HS3ST4: variants seen among roughly 807,000 people sequenced by gnomAD.
HS3ST4 encodes the protein heparan sulfate-glucosamine 3-sulfotransferase 4.
Under a neutral mutation model 29.2 loss-of-function variants are expected in HS3ST4, and 17 were observed. The observed-to-expected ratio is 0.58, with a 90% CI of 0.40 to 0.87. The LOEUF (loss-of-function observed/expected upper bound fraction) is 0.87, where lower values mean the gene tolerates loss of function less well. Ranked by LOEUF, HS3ST4 falls within the 40% of genes least tolerant of loss-of-function variation. The pLI is 0.00. For synonymous variants in HS3ST4, 314 were observed against 285.7 expected (o/e 1.10, Z -1.00); for missense variants, 627 against 634.5 (o/e 0.99, Z 0.13).
chr16:26,011,380 T>A (rs1363557490), intron 1 of HS3ST4, among the ~76,000 whole-genome samples: 1 of 151,686 alleles, frequency 6.6e-6, no homozygotes, highest in Non-Finnish European at 1.5e-5. Context: ...ACCAACATGG[T>A]GAAACCCCGT....
At chr16:26,068,621 C>T (rs951854660) in intron 1 of HS3ST4, among the ~76,000 whole-genome samples, 1 of 152,090 alleles carries the variant, frequency 6.6e-6, no homozygotes, top group African/African-American at 2.4e-5. Context: ...ATTTCATCTC[C>T]GACCTCAATT....
At chr16:25,720,862 G>A (rs1380724440) in intron 1 of HS3ST4, among the ~76,000 whole-genome samples, 1 of 152,178 alleles carries the variant, frequency 6.6e-6, no homozygotes, top group Non-Finnish European at 1.5e-5. Flanking sequence ...ATGCCCATTA[G>A]ACTTCCAAGT....
chr16:25,813,979 CATT>C (rs1285888493), intron 1 of HS3ST4, among the ~76,000 whole-genome samples: 1 of 152,204 alleles, frequency 6.6e-6, no homozygotes, highest in Non-Finnish European at 1.5e-5. Context: ...GCTCAGAAAA[CATT>C]ATGTTGAGCA....
chr16:25,755,693 C>T (rs1235664892), intron 1 of HS3ST4, among the ~76,000 whole-genome samples: 16 of 152,172 alleles, frequency 1.1e-4, no homozygotes, highest in Admixed American at 9.8e-4. Context: ...TTTCTAGCTT[C>T]TCTTGGAAAA....
At chr16:25,771,912 C>G (rs1596566051) in intron 1 of HS3ST4, among the ~76,000 whole-genome samples, 1 of 152,178 alleles carries the variant, frequency 6.6e-6, no homozygotes, top group Non-Finnish European at 1.5e-5. Flanking sequence ...TCTGTTCCCT[C>G]TCTTTTACCT....
chr16:26,062,608 TA>T (rs1016302108), intron 1 of HS3ST4: 1 of 124,134 alleles, frequency 8.1e-6, no homozygotes, highest in Admixed American at 9.4e-5. Context: ...ACTATTGGTA[TA>T]GTTTTTTTTT....
At chr16:25,773,863 G>T (rs1966845111) in intron 1 of HS3ST4, among the ~76,000 whole-genome samples, 1 of 151,988 alleles carries the variant, frequency 6.6e-6, no homozygotes, top group Admixed American at 6.6e-5. Context: ...GTGCAAAACA[G>T]ATTTTGTGCT....
intron 1 of HS3ST4, chr16:26,032,710 A>G: frequency 1.7e-6 from 2 of 1,195,832 alleles, no homozygotes; most frequent in Non-Finnish European, 2.5e-6. Context: ...CTGGCTTTGG[A>G]GGAGCAGGTT....
intron 1 of HS3ST4, among the ~76,000 whole-genome samples, chr16:26,076,828 C>T (rs1898669858): frequency 6.6e-6 from 1 of 152,186 alleles, no homozygotes; most frequent in Non-Finnish European, 1.5e-5. Context: ...TTCATGCATT[C>T]ATGCACATTT....
At chr16:25,815,084 T>C (rs1040191891) in intron 1 of HS3ST4, among the ~76,000 whole-genome samples, 1 of 152,184 alleles carries the variant, frequency 6.6e-6, no homozygotes, top group African/African-American at 2.4e-5. Context: ...ATGTGGACTG[T>C]GCAGAAAGCA....
intron 1 of HS3ST4, among the ~76,000 whole-genome samples, chr16:26,071,409 G>A (rs1053033199): frequency 6.6e-6 from 1 of 152,062 alleles, no homozygotes; most frequent in Non-Finnish European, 1.5e-5. Context: ...TAAGTCCAAG[G>A]CAGACTCTAG....
intron 1 of HS3ST4, among the ~76,000 whole-genome samples, chr16:25,872,822 A>G (rs1433550676): frequency 1.3e-5 from 2 of 152,162 alleles, no homozygotes; most frequent in Non-Finnish European, 1.5e-5. Flanking sequence ...AGTAAGAGAC[A>G]TTGTGGTCAT....
intron 1 of HS3ST4, among the ~76,000 whole-genome samples, chr16:25,717,992 A>G (rs1332739403): frequency 6.6e-6 from 1 of 152,132 alleles, no homozygotes; most frequent in Non-Finnish European, 1.5e-5. Context: ...CTGAATGGCT[A>G]TGTCACTGGC....
chr16:25,787,540 T>A (rs543475142), intron 1 of HS3ST4, among the ~76,000 whole-genome samples: 2 of 152,326 alleles, frequency 1.3e-5, no homozygotes, highest in South Asian at 4.1e-4. Flanking sequence ...AATCTGTTCT[T>A]CTAAAATAGG....
intron 1 of HS3ST4, among the ~76,000 whole-genome samples, chr16:26,076,725 G>A (rs1409371331): frequency 1.3e-5 from 2 of 152,198 alleles, no homozygotes; most frequent in Non-Finnish European, 2.9e-5. Flanking sequence ...TCTGGGGTAT[G>A]AGGATGGTAG....
At chr16:25,921,819 A>G (rs1439292050) in intron 1 of HS3ST4, among the ~76,000 whole-genome samples, 2 of 151,520 alleles carry the variant, frequency 1.3e-5, no homozygotes, top group African/African-American at 2.4e-5. Flanking sequence ...CAGTGTCTCA[A>G]TCACAGCTCA....
chr16:25,873,658 G>A (rs145902514), intron 1 of HS3ST4, among the ~76,000 whole-genome samples: 2,249 of 84,530 alleles, frequency 0.027, 88 homozygotes, highest in African/African-American at 0.081. Flanking sequence ...CCATCCGTCC[G>A]TCCATCCATC....
intron 1 of HS3ST4, among the ~76,000 whole-genome samples, chr16:25,823,675 C>T (rs1393042643): frequency 6.6e-6 from 1 of 152,166 alleles, no homozygotes; most frequent in Non-Finnish European, 1.5e-5. Flanking sequence ...ATTCTCGTGC[C>T]TCAGCCTCCT....
chr16:25,998,403 T>C (rs536921046), intron 1 of HS3ST4, among the ~76,000 whole-genome samples: 22 of 152,344 alleles, frequency 1.4e-4, no homozygotes, highest in Middle Eastern at 3.4e-3. Flanking sequence ...TAAGGATTGC[T>C]TCACATTTTT....
Sources: allele counts gnomAD v4.1 joint callset (sites outside exome capture counted in the v4.1 genomes callset), GRCh38; gene constraint gnomAD v4.1.1; transcripts MANE v1.5; gene names NCBI Gene and HGNC (gene_info 2026-07-23, HGNC 2026-07-21).